Variants in EVI5 observed in about 807,000 individuals in gnomAD.
EVI5 encodes the protein ecotropic viral integration site 5 protein homolog.
Under a neutral mutation model 112.0 loss-of-function variants are expected in EVI5, and 73 were observed. The ratio of observed to expected loss-of-function variants is 0.65; its 90% CI spans 0.54 to 0.79. EVI5 has a LOEUF of 0.79. Among genes scored for constraint, EVI5 ranks in the 30% least tolerant of loss-of-function variants. The pLI is 0.00. For synonymous variants in EVI5, 305 were observed against 319.9 expected (o/e 0.95, Z 0.50); for missense variants, 900 against 968.8 (o/e 0.93, Z 0.94).
Position 92,695,296 on chromosome 1 carries a change from G to C in EVI5, c.909+14C>G, listed in dbSNP as rs1421744598. ...TTTGCTCAGCTCCTGCTCTTTGTCT[G>C]CCCATTAGCTTACCTCAGACATAAA... On this transcript the variant is annotated intron_variant, in intron 7 of 19. Transcript: ENST00000684568. The C allele has an allele frequency of 2.5e-6, 4 of 1,598,352 alleles. No homozygotes were observed. In the Admixed American group the frequency reaches 6.9e-5, roughly 27 times the overall value.
chr1:92,670,855 A>G (rs944590538), intron 10 of EVI5, among the ~76,000 whole-genome samples: 2 of 152,138 alleles, frequency 1.3e-5, no homozygotes, highest in Non-Finnish European at 2.9e-5. Flanking sequence ...TTTTGCCCAT[A>G]TATTTTGATT....
At chr1:92,574,353 AG>A (rs1459882032) in intron 18 of EVI5, among the ~76,000 whole-genome samples, 1 of 152,190 alleles carries the variant, frequency 6.6e-6, no homozygotes, top group African/African-American at 2.4e-5. Flanking sequence ...TTTTATTCAG[AG>A]GTGTCTTCAC....
intron 9 of EVI5, among the ~76,000 whole-genome samples, chr1:92,682,732 C>G (rs1429118835): frequency 1.3e-5 from 2 of 152,076 alleles, no homozygotes; most frequent in African/African-American, 2.4e-5. Context: ...GCCTGCAAGA[C>G]TTCGTCTCAA....
At chr1:92,786,863 C>G (rs1685678720), upstream of EVI5, among the ~76,000 whole-genome samples, 1 of 152,216 alleles carries the variant, frequency 6.6e-6, no homozygotes, top group African/African-American at 2.4e-5. Context: ...TGTCTGTGCT[C>G]CAGCCACGCT....
At chr1:92,694,030 G>C (rs1669913276) in intron 8 of EVI5, 131 bp from the exon 9 acceptor site, 1 of 680,788 alleles carries the variant, frequency 1.5e-6, no homozygotes, top group African/African-American at 1.8e-5. Flanking sequence ...GGGAGGCCAA[G>C]GCAGGCGGAT....
rs1472290652 is a variant in EVI5 at position 92,783,506 on chromosome 1, AAG to A, written c.-82+1328_-82+1329del. On this transcript the variant is annotated intron_variant, in intron 1 of 19. Coordinates refer to ENST00000684568, the MANE Select transcript of EVI5 (RefSeq NM_001350197.2). ...CTTAAAAAAAAAAAAAAAAAAAAAA[AAG>A]AAAAGAAAAGAAAAGAAAAAGAAGG... Among the ~76,000 whole-genome samples, 274 of 145,592 alleles carry A rather than the reference AAG, an allele frequency of 1.9e-3. 1 individual carries two copies. The highest frequency in any genetic ancestry group is 5.9e-3 in the African/African-American group (236 of 39,770).
intron 14 of EVI5, among the ~76,000 whole-genome samples, chr1:92,635,357 C>T (rs924284613): frequency 6.6e-6 from 1 of 152,208 alleles, no homozygotes; most frequent in Non-Finnish European, 1.5e-5. Flanking sequence ...GCGTTGTTTA[C>T]CTACTCAAGC....
intron 1 of EVI5, among the ~76,000 whole-genome samples, chr1:92,774,515 G>A (rs1558242023): frequency 1.3e-5 from 2 of 152,098 alleles, no homozygotes; most frequent in African/African-American, 2.4e-5. Context: ...CAGTGCTTAC[G>A]CTTTCCTATG....
intron 1 of EVI5, among the ~76,000 whole-genome samples, chr1:92,782,143 C>CA (rs1684946695): frequency 6.6e-6 from 1 of 151,346 alleles, no homozygotes; most frequent in Admixed American, 6.6e-5. Flanking sequence ...CCTATAGTCC[C>CA]AGCTACTCAG....
At position 92,627,302 on chromosome 1, in the gene EVI5, A is replaced by T. The variant is rs371214100; in HGVS notation, c.1528-1368T>A. Among the ~76,000 whole-genome samples, 5 of 152,356 alleles carry T rather than the reference A, an allele frequency of 3.3e-5. No individual in the cohort carries two copies. The South Asian group carries it at 6.2e-4, about 19-fold the overall frequency. On this transcript the variant is annotated intron_variant, in intron 14 of 19. Transcript: ENST00000684568. ...CCTGAGTTACTTCACTTAGAATAATAGTCTCCAATCTCATCCAGGACACTG... is the reference window on the plus strand; with the variant it reads ...CCTGAGTTACTTCACTTAGAATAATTGTCTCCAATCTCATCCAGGACACTG...
intron 4 of EVI5, among the ~76,000 whole-genome samples, chr1:92,702,949 T>G (rs1314790546): frequency 6.6e-6 from 1 of 152,012 alleles, no homozygotes; most frequent in African/African-American, 2.4e-5. Context: ...AAAGTAACTG[T>G]GGGAAGGGAA....
At chr1:92,530,855 T>A (rs1186150160) in intron 19 of EVI5, among the ~76,000 whole-genome samples, 2 of 151,782 alleles carry the variant, frequency 1.3e-5, no homozygotes, top group Non-Finnish European at 2.9e-5. Flanking sequence ...GACTGAAAAT[T>A]CCAAAAACCA....
intron 1 of EVI5, among the ~76,000 whole-genome samples, chr1:92,742,425 CA>C (rs891365180): frequency 1.2e-4 from 18 of 152,112 alleles, no homozygotes; most frequent in African/African-American, 4.3e-4. Flanking sequence ...GTAATCCCAG[CA>C]CTTCGGGAGG....
In EVI5 at chr1:92,764,396, G is replaced by T. The variant is rs185365734; in HGVS notation, c.-82+20440C>A. 5.3e-5 allele frequency among the ~76,000 whole-genome samples: 8 copies of T among 152,310 alleles called. No homozygotes were observed. In the South Asian group the frequency reaches 8.3e-4, roughly 16 times the overall value. On this transcript the variant is annotated intron_variant, in intron 1 of 19. Transcript: ENST00000684568. The stretch of plus-strand genomic sequence containing the variant: ...TTGTTAATCTAGGAATATTTAAAAT[G>T]ATAGTAGACCACAGGTGTGGCAAGA...
At chr1:92,790,974 C>T (rs1033915016) in intron 1 of EVI5, among the ~76,000 whole-genome samples, 1 of 152,176 alleles carries the variant, frequency 6.6e-6, no homozygotes, top group Non-Finnish European at 1.5e-5. Flanking sequence ...TACTTGTGCA[C>T]AGGTGGAGAC....
intron 1 of EVI5, among the ~76,000 whole-genome samples, chr1:92,776,293 G>A (rs1476816143): frequency 6.6e-6 from 1 of 151,968 alleles, no homozygotes; most frequent in Non-Finnish European, 1.5e-5. Flanking sequence ...TATAAACATT[G>A]ATAACATTTC....
intron 9 of EVI5, among the ~76,000 whole-genome samples, chr1:92,692,925 G>A (rs554180167): frequency 1.3e-5 from 2 of 152,284 alleles, no homozygotes; most frequent in East Asian, 1.9e-4. Context: ...AGTACTGGAA[G>A]CTAGAGAAAT....
At chr1:92,711,042 G>A (rs987841187) in intron 2 of EVI5, among the ~76,000 whole-genome samples, 10 of 152,070 alleles carry the variant, frequency 6.6e-5, no homozygotes, top group East Asian at 1.9e-4. Flanking sequence ...CAGACTTCAC[G>A]ATGGCCATAT....
intron 18 of EVI5, among the ~76,000 whole-genome samples, chr1:92,593,427 A>G (rs1388612143): frequency 1.3e-5 from 2 of 152,246 alleles, no homozygotes; most frequent in African/African-American, 2.4e-5. Context: ...TCTCAAAATA[A>G]TTAGAGCTAT....
Sources: allele counts gnomAD v4.1 joint callset (sites outside exome capture counted in the v4.1 genomes callset), GRCh38; gene constraint gnomAD v4.1.1; transcripts MANE v1.5; gene names NCBI Gene and HGNC (gene_info 2026-07-23, HGNC 2026-07-21).